The following GRIN2B variants were observed in gnomAD, a reference collection of about 807,000 sequenced individuals.
GRIN2B encodes glutamate receptor ionotropic, NMDA 2B.
A neutral mutation model predicts 114.5 loss-of-function variants in GRIN2B; 5 were observed. The ratio of observed to expected loss-of-function variants is 0.04; its 90% CI spans 0.02 to 0.09. The LOEUF is 0.09. Ranked by LOEUF, GRIN2B falls within the 10% of genes least tolerant of loss-of-function variation. GRIN2B has a pLI of 1.00. For synonymous variants in GRIN2B, 787 were observed against 745.1 expected (o/e 1.06, Z -0.92); for missense variants, 1,108 against 1,943.5 (o/e 0.57, Z 8.08).
chr12:13,981,465 CTCT>C lies in GRIN2B; in HGVS notation c.-574_-572del, dbSNP rs965403527. On this transcript the variant is annotated 5_prime_UTR_variant, in exon 1 of 14. Transcript: ENST00000609686. ...GTCTCGGGGGTTTTGAAGTTCATGA[CTCT>C]TCTTTGCAAGGCAAAAGGATATGCA... 4 of 152,070 alleles carry C rather than the reference CTCT, an allele frequency of 2.6e-5. No homozygotes were observed. Among genetic ancestry groups the C allele is most frequent in the African/African-American group, 7.2e-5 (3 of 41,398 alleles). 9.4% of individuals were successfully genotyped at this position (152,070 alleles called of 1,614,324 possible). A position where few individuals can be genotyped will look rare whatever the true frequency, so the allele number is the denominator to read the frequency against.
intron 2 of GRIN2B, among the ~76,000 whole-genome samples, chr12:13,960,131 C>T (rs1867664925): frequency 6.6e-6 from 1 of 152,054 alleles, no homozygotes; most frequent in African/African-American, 2.4e-5. Context: ...CTGCTCCCCA[C>T]TCATGACAAT....
chr12:13,686,505 A>G (rs1387358777), intron 4 of GRIN2B, among the ~76,000 whole-genome samples: 1 of 152,098 alleles, frequency 6.6e-6, no homozygotes, highest in Non-Finnish European at 1.5e-5. Flanking sequence ...TGATGTTTCC[A>G]TGGAAACATG....
intron 2 of GRIN2B, among the ~76,000 whole-genome samples, chr12:13,869,739 G>A (rs1447227841): frequency 1.3e-5 from 2 of 151,518 alleles, no homozygotes; most frequent in Admixed American, 6.6e-5. Context: ...TAATATGAGT[G>A]TTGAGTGAAT....
intron 4 of GRIN2B, among the ~76,000 whole-genome samples, chr12:13,699,850 G>T (rs930816948): frequency 1.3e-5 from 2 of 149,746 alleles, no homozygotes; most frequent in South Asian, 4.2e-4. Context: ...GCCTCCCGAA[G>T]TGCTGGGATT....
chr12:13,725,553 C>G (rs1055791074), intron 4 of GRIN2B, among the ~76,000 whole-genome samples: 2 of 152,060 alleles, frequency 1.3e-5, no homozygotes, highest in African/African-American at 4.8e-5. Context: ...GAGCAAGACA[C>G]AGGACTTGAT....
intron 2 of GRIN2B, among the ~76,000 whole-genome samples, chr12:13,880,284 G>A (rs969815605): frequency 2.6e-5 from 4 of 152,160 alleles, no homozygotes; most frequent in Non-Finnish European, 5.9e-5. Flanking sequence ...AACAAGTGAG[G>A]CACAAAACAT....
At chr12:13,934,320 G>A (rs537314910) in intron 2 of GRIN2B, among the ~76,000 whole-genome samples, 135 of 152,266 alleles carry the variant, frequency 8.9e-4, no homozygotes, top group Middle Eastern at 3.4e-3. Context: ...GCATGCCATT[G>A]ACTCTTGTCC....
intron 3 of GRIN2B, among the ~76,000 whole-genome samples, chr12:13,795,174 T>C (rs1017370450): frequency 2.6e-5 from 4 of 152,210 alleles, no homozygotes; most frequent in Non-Finnish European, 4.4e-5. Flanking sequence ...AAATAAGCTG[T>C]GTCCATCTAT....
chr12:13,709,038 G>C (rs1018828054), intron 4 of GRIN2B, among the ~76,000 whole-genome samples: 1 of 151,930 alleles, frequency 6.6e-6, no homozygotes, highest in Non-Finnish European at 1.5e-5. Context: ...CAAACTTACT[G>C]GTTCTGGTTC....
chr12:13,705,744 G>A (rs1051171360), intron 4 of GRIN2B, among the ~76,000 whole-genome samples: 9 of 152,144 alleles, frequency 5.9e-5, no homozygotes, highest in African/African-American at 2.2e-4. Context: ...TTTAAATAAT[G>A]TAGAGATACT....
At chr12:13,792,944 T>A (rs1449784040) in intron 3 of GRIN2B, among the ~76,000 whole-genome samples, 1 of 152,198 alleles carries the variant, frequency 6.6e-6, no homozygotes, top group Non-Finnish European at 1.5e-5. Context: ...TGGTCTTAAA[T>A]GAGTAGGAAG....
chr12:13,564,009 C>T lies in GRIN2B; in HGVS notation c.3229G>A (p.Ala1077Thr). The change falls in exon 14 of 14, where the codon GCC becomes ACC. Residue 1077 changes from alanine (A) to threonine (T), a missense_variant. Physicochemically the swap from Ala to Thr is moderately conservative, Grantham distance 58. Coordinates refer to ENST00000609686, the MANE Select transcript of GRIN2B (RefSeq NM_000834.5). The surrounding 1 kb of genome is among the most constrained non-coding windows in gnomAD (Gnocchi z 4.8). ...TATTGCTGCTTACGCCTCTTGGCGG[C>T]ATTGCCCTCGATGTTCCCATAGGTG... ...TVTYGNIEGN[A>T]AKRRKQQYKD... 1 of 1,614,254 alleles carries T rather than the reference C, an allele frequency of 6.2e-7. No homozygotes were observed. Among genetic ancestry groups the T allele is most frequent in the Non-Finnish European group, 8.5e-7 (1 of 1,180,048 alleles).
intron 2 of GRIN2B, among the ~76,000 whole-genome samples, chr12:13,976,247 C>T (rs1316677242): frequency 6.6e-6 from 1 of 152,240 alleles, no homozygotes; most frequent in South Asian, 2.1e-4. Flanking sequence ...AGAGTAGATG[C>T]ACTTTAATAA....
chr12:13,587,746 A>C lies in GRIN2B; in HGVS notation c.2011-15782T>G, dbSNP rs144813556. Among the ~76,000 whole-genome samples, 35 of 152,310 alleles carry C rather than the reference A, an allele frequency of 2.3e-4. No homozygotes were observed. The East Asian group carries it at 6.8e-3, about 29-fold the overall frequency. ...AAAATCAGAAGTCCTGTTTCATCCC[A>C]GGCTTGGAGCAGACACTTTTTCTAG... On this transcript the variant is annotated intron_variant, in intron 10 of 13. Transcript: ENST00000609686.
At chr12:13,707,680 A>G (rs1230308163) in intron 4 of GRIN2B, among the ~76,000 whole-genome samples, 1 of 152,074 alleles carries the variant, frequency 6.6e-6, no homozygotes, top group Non-Finnish European at 1.5e-5. Flanking sequence ...CTTAGCACCT[A>G]TTCGGTACAG....
intron 3 of GRIN2B, among the ~76,000 whole-genome samples, chr12:13,830,745 C>T (rs1051452801): frequency 3.3e-5 from 5 of 152,190 alleles, no homozygotes; most frequent in East Asian, 1.9e-4. Context: ...GCTTAATTCA[C>T]GGGCAACATT....
chr12:13,850,891 C>G (rs1276182577), intron 3 of GRIN2B, among the ~76,000 whole-genome samples: 2 of 126,478 alleles, frequency 1.6e-5, no homozygotes, highest in Non-Finnish European at 3.7e-5. Flanking sequence ...CTTTCTGATT[C>G]TCTTTCTTCA....
chr12:13,632,108 A>G (rs1488314012), intron 5 of GRIN2B, among the ~76,000 whole-genome samples: 3 of 152,214 alleles, frequency 2.0e-5, no homozygotes, highest in Non-Finnish European at 4.4e-5. Flanking sequence ...CAACTGGAAA[A>G]TCTCCACCAA....
intron 10 of GRIN2B, among the ~76,000 whole-genome samples, chr12:13,606,006 T>A (rs1949242033): frequency 6.6e-6 from 1 of 152,148 alleles, no homozygotes; most frequent in Non-Finnish European, 1.5e-5. Flanking sequence ...TGCCATGTCA[T>A]GCATGGTGAC....
Sources: allele counts gnomAD v4.1 joint callset (sites outside exome capture counted in the v4.1 genomes callset), GRCh38; gene constraint gnomAD v4.1.1; non-coding constraint Gnocchi (gnomAD v3.1); transcripts MANE v1.5; gene names NCBI Gene and HGNC (gene_info 2026-07-23, HGNC 2026-07-21).